GRM5: variants seen among roughly 807,000 people sequenced by gnomAD.
GRM5 encodes metabotropic glutamate receptor 5.
Under a neutral mutation model 83.1 loss-of-function variants are expected in GRM5, and 19 were observed. The observed-to-expected ratio is 0.23, with a 90% CI of 0.16 to 0.34. The LOEUF is 0.34. Ranked by LOEUF, GRM5 falls within the 10% of genes least tolerant of loss-of-function variation. The pLI is 1.00. For synonymous variants in GRM5, 675 were observed against 633.6 expected, an observed-to-expected ratio of 1.07 and a Z score of -0.98; for missense variants, 1,160 against 1,588.3, an observed-to-expected ratio of 0.73 and a Z score of 4.58.
intron 8 of GRM5, among the ~76,000 whole-genome samples, chr11:88,544,865 T>G (rs1942354067): frequency 6.6e-6 from 1 of 152,206 alleles, no homozygotes; most frequent in Admixed American, 6.5e-5. Flanking sequence ...GCTATGAGTA[T>G]CACACCTGCA....
chr11:88,624,835 A>G (rs1938747125), intron 4 of GRM5, among the ~76,000 whole-genome samples: 1 of 152,174 alleles, frequency 6.6e-6, no homozygotes, highest in Non-Finnish European at 1.5e-5. Flanking sequence ...TTTTTAAAAA[A>G]TCCCCCTTTG....
At chr11:88,848,676 C>G (rs993686786) in intron 3 of GRM5, among the ~76,000 whole-genome samples, 1 of 152,174 alleles carries the variant, frequency 6.6e-6, no homozygotes, top group African/African-American at 2.4e-5. Context: ...ACCTCATTCA[C>G]ACATTCAAAA....
chr11:88,839,183 A>T (rs974589033), intron 3 of GRM5, among the ~76,000 whole-genome samples: 1 of 152,160 alleles, frequency 6.6e-6, no homozygotes, highest in Non-Finnish European at 1.5e-5. Context: ...AATTAAATAA[A>T]CAACTGACCT....
intron 2 of GRM5, among the ~76,000 whole-genome samples, chr11:88,988,915 T>C (rs1186210953): frequency 1.4e-4 from 20 of 146,506 alleles, no homozygotes; most frequent in African/African-American, 4.8e-4. Flanking sequence ...CATGCCAAAA[T>C]GTAAAGACCA....
Position 88,505,871 on chromosome 11 carries a change from G to A in GRM5, c.*2721C>T, listed in dbSNP as rs1290318644. 2 of 152,302 alleles carry A rather than the reference G, an allele frequency of 1.3e-5. No homozygotes were observed. The highest frequency in any genetic ancestry group is 1.9e-4 in the East Asian group (1 of 5,192). The allele number at this position is 152,302 out of a possible 1,614,324, so 9.4% of individuals were successfully genotyped here. ...ATGAGAATGTACCCAAATGAATTGT[G>A]AAGTTCATATCCTATAGCCCTAGAA... On this transcript the variant is annotated 3_prime_UTR_variant, in exon 10 of 10. Coordinates refer to ENST00000305447, the MANE Select transcript of GRM5 (RefSeq NM_001143831.3).
chr11:88,985,885 A>G (rs1359574956), intron 2 of GRM5, among the ~76,000 whole-genome samples: 1 of 152,178 alleles, frequency 6.6e-6, no homozygotes, highest in Admixed American at 6.5e-5. Context: ...AAATTACAAT[A>G]TCAATCATTT....
At chr11:88,875,266 G>A (rs1397041787) in intron 2 of GRM5, among the ~76,000 whole-genome samples, 1 of 151,966 alleles carries the variant, frequency 6.6e-6, no homozygotes, top group African/African-American at 2.4e-5. Flanking sequence ...CATCTTTGCT[G>A]TAGCAGATTC....
chr11:88,683,496 G>T (rs1416821713), intron 3 of GRM5, among the ~76,000 whole-genome samples: 1 of 152,016 alleles, frequency 6.6e-6, no homozygotes, highest in Non-Finnish European at 1.5e-5. Flanking sequence ...TGATTTTCTG[G>T]GTATAATGTG....
chr11:88,923,865 T>C (rs908428652), intron 2 of GRM5, among the ~76,000 whole-genome samples: 2 of 151,390 alleles, frequency 1.3e-5, no homozygotes, highest in East Asian at 1.9e-4. Flanking sequence ...TATATTCGTA[T>C]TTATGTGAGT....
In GRM5 at chr11:88,626,070, T is replaced by A. The variant is rs192060415; in HGVS notation, c.1148-21106A>T. Among the ~76,000 whole-genome samples the A allele has an allele frequency of 1.1e-4, 17 of 152,272 alleles. No homozygotes were observed. The East Asian group carries it at 3.1e-3, about 28-fold the overall frequency. On this transcript the variant is annotated intron_variant, in intron 4 of 9. Coordinates refer to ENST00000305447, the MANE Select transcript of GRM5 (RefSeq NM_001143831.3). Reference sequence around the variant, plus strand: ...CACACTAAACTTTCACAGACATACTTCTTGGCCAGTATTTCCAAAAATTTT... The same window carrying A: ...CACACTAAACTTTCACAGACATACTACTTGGCCAGTATTTCCAAAAATTTT...
chr11:88,720,562 A>AAAAC (rs1460953519), intron 3 of GRM5, among the ~76,000 whole-genome samples: 1 of 152,084 alleles, frequency 6.6e-6, no homozygotes, highest in Non-Finnish European at 1.5e-5. Context: ...AATCATAGTC[A>AAAAC]AAACAGTTTT....
At chr11:89,056,003 A>G (rs1941866197) in intron 1 of GRM5, among the ~76,000 whole-genome samples, 1 of 152,176 alleles carries the variant, frequency 6.6e-6, no homozygotes, top group African/African-American at 2.4e-5. Flanking sequence ...CACATTTAGA[A>G]CATTTATTTA....
At chr11:88,879,015 A>G (rs1468172401) in intron 2 of GRM5, among the ~76,000 whole-genome samples, 2 of 152,154 alleles carry the variant, frequency 1.3e-5, no homozygotes, top group East Asian at 1.9e-4. Flanking sequence ...AAAAATGTGT[A>G]TATTTGTCAA....
chr11:88,682,386 G>A (rs1344937257), intron 3 of GRM5, among the ~76,000 whole-genome samples: 1 of 152,104 alleles, frequency 6.6e-6, no homozygotes, highest in African/African-American at 2.4e-5. Flanking sequence ...GGGGAATAAT[G>A]ATTTTAAGTG....
intron 2 of GRM5, chr11:89,008,967 A>C (rs1179229665): frequency 1.0e-5 from 6 of 589,948 alleles, no homozygotes; most frequent in Non-Finnish European, 1.6e-5. Context: ...CATAACTGAC[A>C]AGTGATAACT....
chr11:88,677,343 C>T (rs1422796423), intron 3 of GRM5, among the ~76,000 whole-genome samples: 2 of 152,048 alleles, frequency 1.3e-5, no homozygotes, highest in Non-Finnish European at 2.9e-5. Context: ...CAGAGTAATT[C>T]TTCTCTTTGC....
At chr11:88,995,981 C>T (rs1223883539) in intron 2 of GRM5, among the ~76,000 whole-genome samples, 3 of 150,528 alleles carry the variant, frequency 2.0e-5, no homozygotes, top group African/African-American at 7.3e-5. Flanking sequence ...AAAACCATAA[C>T]CAAAGAAAGA....
chr11:88,873,107 GA>G (rs1489322691), intron 2 of GRM5, among the ~76,000 whole-genome samples: 1 of 151,492 alleles, frequency 6.6e-6, no homozygotes, highest in Non-Finnish European at 1.5e-5. Flanking sequence ...AAAAACTGTA[GA>G]AAGATAAAGA....
chr11:89,016,563 G>A (rs1206026565), intron 2 of GRM5, among the ~76,000 whole-genome samples: 2 of 152,070 alleles, frequency 1.3e-5, no homozygotes, highest in Admixed American at 6.6e-5. Flanking sequence ...TGTTATTTAA[G>A]TGTCCCTGAA....
Sources: allele counts gnomAD v4.1 joint callset (sites outside exome capture counted in the v4.1 genomes callset), GRCh38; gene constraint gnomAD v4.1.1; transcripts MANE v1.5; gene names NCBI Gene and HGNC (gene_info 2026-07-23, HGNC 2026-07-21).